RASSF2: variants seen among roughly 807,000 people sequenced by gnomAD.
RASSF2 encodes Ras association domain family member 2.
In RASSF2, 34 loss-of-function variants were observed where a neutral mutation model predicts 46.3. The observed-to-expected ratio is 0.73, with a 90% CI of 0.56 to 0.98. RASSF2 has a LOEUF of 0.98. Ranked by LOEUF, RASSF2 falls within the 50% of genes least tolerant of loss-of-function variation. The pLI, the probability that RASSF2 is intolerant of heterozygous loss-of-function variation, is 0.00. For missense variants in RASSF2, 364 were observed against 431.2 expected (o/e 0.84, Z 1.38); for synonymous variants, 158 against 162.5 (o/e 0.97, Z 0.21).
Position 4,784,299 on chromosome 20 carries a change from T to G in RASSF2, c.955A>C (p.Ile319Leu). The change falls in exon 12 of 12, where the codon ATA becomes CTA. Residue 319 changes from isoleucine to leucine, a missense_variant. By Grantham distance (5) the Ile-to-Leu change is conservative. Transcript: ENST00000379400. Reference sequence around the variant, plus strand: ...CAGATTGTTGCTGGGGTCTCGGCTATCTCCTCCAGCCTCTGTCGAATCATT... The same window carrying G: ...CAGATTGTTGCTGGGGTCTCGGCTAGCTCCTCCAGCCTCTGTCGAATCATT... ...RLMIRQRLEE[I>L]AETPATI 1 of 1,613,890 alleles carries G rather than the reference T, an allele frequency of 6.2e-7. No homozygotes were observed. The highest frequency in any genetic ancestry group is 8.5e-7 in the Non-Finnish European group (1 of 1,179,922).
chr20:4,789,565 C>G (rs1204865220), intron 8 of RASSF2, 31 bp downstream of exon 8: 1 of 1,575,886 alleles, frequency 6.3e-7, no homozygotes, highest in Admixed American at 1.7e-5. Context: ...GCTGTGACCC[C>G]ATCTGTGGCC....
intron 6 of RASSF2, among the ~76,000 whole-genome samples, chr20:4,791,094 C>G (rs145065650): frequency 6.6e-6 from 1 of 152,158 alleles, no homozygotes; most frequent in African/African-American, 2.4e-5. Context: ...AAGCCAATTA[C>G]AAAACAGCAA....
Position 4,793,616 on chromosome 20 carries a change from G to A in RASSF2, c.288-989C>T, listed in dbSNP as rs147033329. Among the ~76,000 whole-genome samples, 851 of 152,160 alleles carry A rather than the reference G, an allele frequency of 5.6e-3. 5 individuals carry two copies. The highest frequency in any genetic ancestry group is 9.6e-3 in the Non-Finnish European group (654 of 68,008). ...AAAGCCTTCATTCTTGCTGAAGCAG[G>A]AACCGGTCTCAGCATCCTTATTTTT... On this transcript the variant is annotated intron_variant, in intron 5 of 11. Transcript: ENST00000379400.
In RASSF2 at chr20:4,795,625, AG is replaced by A. The variant is rs1926272049; in HGVS notation, c.287+189del. 4 of 579,396 alleles carry A rather than the reference AG, an allele frequency of 6.9e-6. No homozygotes were observed. The highest frequency in any genetic ancestry group is 3.6e-5 in the Admixed American group (1 of 27,476). The allele number at this position is 579,396 out of a possible 1,614,324, so 35.9% of individuals were successfully genotyped here. ...CTCATCAGTGATTGCAGTGACAGGA[AG>A]GGGGCTCAATCACAACCACATCTGC... On this transcript the variant is annotated intron_variant, in intron 5 of 11. Transcript: ENST00000379400. This position sits in a 1 kb window ranked among gnomAD's most constrained non-coding sequence, Gnocchi z 4.0.
At chr20:4,791,545 C>T (rs1012855773) in intron 6 of RASSF2, among the ~76,000 whole-genome samples, 49 of 152,200 alleles carry the variant, frequency 3.2e-4, no homozygotes, top group African/African-American at 1.1e-3. Flanking sequence ...ACAATACTGA[C>T]ATTAATCACA....
chr20:4,812,612 A>C lies in RASSF2; in HGVS notation c.-33+9717T>G, dbSNP rs1927913342. Among the ~76,000 whole-genome samples, 1 of 152,166 alleles carries C rather than the reference A, an allele frequency of 6.6e-6. No homozygotes were observed. Among genetic ancestry groups the C allele is most frequent in the South Asian group, 2.1e-4 (1 of 4,830 alleles). On this transcript the variant is annotated intron_variant, in intron 2 of 11. Transcript: ENST00000379400. The surrounding 1 kb of genome is among the most constrained non-coding windows in gnomAD (Gnocchi z 4.0). ...GCAGGTCCCTTTGCCCCAGTTTCTG[A>C]TTCAGTAATTCTGGGGTGGGGTCTG...
intron 2 of RASSF2, among the ~76,000 whole-genome samples, chr20:4,808,733 G>T (rs1927545065): frequency 6.6e-6 from 1 of 152,074 alleles, no homozygotes; most frequent in East Asian, 1.9e-4. Flanking sequence ...CAATCCTCCT[G>T]TTTTGGCTTC....
chr20:4,784,337 G>A lies in RASSF2; in HGVS notation c.917C>T (p.Thr306Ile). 2 of 1,613,706 alleles carry A rather than the reference G, an allele frequency of 1.2e-6. No homozygotes were observed. The highest frequency in any genetic ancestry group is 2.2e-5 in the East Asian group (1 of 44,868). Residue 306 changes from threonine (T) to isoleucine (I), a missense_variant, in exon 12 of 12, where the codon ACC becomes ATC. Thr to Ile is a moderately conservative substitution (Grantham distance 89). Transcript: ENST00000379400. The part of the protein sequence containing the change: ...REVKKLMRKY[T>I]VLRLMIRQRL... ...CTGTCGAATCATTAGCCGGAGCACG[G>A]TGTACCTGGAGACAAGAAACAGGCT...
intron 11 of RASSF2, among the ~76,000 whole-genome samples, chr20:4,784,592 CAAAAAAAAAAAA>C (rs71197728): frequency 0.14 from 12,560 of 90,372 alleles, 693 homozygotes; most frequent in East Asian, 0.27. Flanking sequence ...AACATCTAGC[CAAAAAAAAAAAA>C]AAAAAAAAAA....
At position 4,795,876 on chromosome 20, in the gene RASSF2, G is replaced by A. The variant is rs755440456; in HGVS notation, c.226C>T (p.Arg76Cys). 1.6e-5 allele frequency: 25 copies of A among 1,610,026 alleles called. No homozygotes were observed. Among genetic ancestry groups the A allele is most frequent in the East Asian group, 6.8e-5 (3 of 44,274 alleles). The stretch of plus-strand genomic sequence containing the variant: ...GAGGAGGATGGAGGGGGTCGAATGC[G>A]TTCGTTGTCATCCTGCATCTGCAGG... ...IRLQMQDDNE[R>C]IRPPPSSSSW... The change falls in exon 5 of 12, where the codon CGC (arginine) becomes TGC (cysteine). Residue 76 changes from arginine to cysteine, a missense_variant. Arg to Cys is a radical substitution (Grantham distance 180, BLOSUM62 -3). Transcript: ENST00000379400. This position sits in a 1 kb window ranked among gnomAD's most constrained non-coding sequence, Gnocchi z 4.0.
At chr20:4,820,661 C>T (rs189817042) in intron 2 of RASSF2, among the ~76,000 whole-genome samples, 1 of 152,238 alleles carries the variant, frequency 6.6e-6, no homozygotes, top group African/African-American at 2.4e-5. Flanking sequence ...ATTTCTACCC[C>T]TTGCTTTATA....
chr20:4,819,529 A>G (rs1010592744), intron 2 of RASSF2, among the ~76,000 whole-genome samples: 1 of 152,198 alleles, frequency 6.6e-6, no homozygotes, highest in Non-Finnish European at 1.5e-5. Flanking sequence ...AAGAGAGGCG[A>G]GGAAGCTGGA....
chr20:4,790,629 A>G lies in RASSF2; in HGVS notation c.377-18T>C, dbSNP rs758657305. 6.6e-7 allele frequency: 1 copy of G among 1,512,908 alleles called. No individual in the cohort carries two copies. The highest frequency in any genetic ancestry group is 1.4e-5 in the South Asian group (1 of 73,854). The allele number at this position is 1,512,908 out of a possible 1,614,324, so 93.7% of individuals were successfully genotyped here. On this transcript the variant is annotated intron_variant, in intron 6 of 11. Coordinates refer to ENST00000379400, the MANE Select transcript of RASSF2 (RefSeq NM_014737.3). The surrounding 1 kb of genome is among the most constrained non-coding windows in gnomAD (Gnocchi z 4.3). ...CCTGGAGTCTGAGAGAGGAGAGGGA[A>G]ATGAACTCTGTCTGTCTGGACCTGG...
Position 4,780,401 on chromosome 20 carries a change from G to GGT in RASSF2, c.*3871_*3872insAC, listed in dbSNP as rs1924688096. 6.6e-6 allele frequency: 1 copy of GGT among 152,144 alleles called. No homozygotes were observed. Among genetic ancestry groups the GGT allele is most frequent in the Non-Finnish European group, 1.5e-5 (1 of 68,028 alleles). The allele number at this position is 152,144 out of a possible 1,614,324, so 9.4% of individuals were successfully genotyped here. The stretch of plus-strand genomic sequence containing the variant: ...AGTTAAATACAGTTAAAACACAAGG[G>GGT]GCGCTTCAACACCCCCCTTGTGATA... On this transcript the variant is annotated 3_prime_UTR_variant, in exon 12 of 12. Transcript: ENST00000379400.
chr20:4,816,469 G>A (rs972488651), intron 2 of RASSF2, among the ~76,000 whole-genome samples: 1 of 152,188 alleles, frequency 6.6e-6, no homozygotes, highest in East Asian at 1.9e-4. Flanking sequence ...AAAGGAGTGA[G>A]GGGGTTATTG....
chr20:4,792,704 C>A lies in RASSF2; in HGVS notation c.288-77G>T, dbSNP rs1173163632. ...GAGAGACGCCCCCGCACCCGCTGGA[C>A]CCCACTCCTGAAAGGGGAGCACTTT... On this transcript the variant is annotated intron_variant, in intron 5 of 11. Transcript: ENST00000379400. 7 of 1,528,262 alleles carry A rather than the reference C, an allele frequency of 4.6e-6. No individual in the cohort carries two copies. The Admixed American group carries it at 1.1e-4, about 23-fold the overall frequency. The allele number at this position is 1,528,262 out of a possible 1,614,324, so 94.7% of individuals were successfully genotyped here.
intron 3 of RASSF2, among the ~76,000 whole-genome samples, chr20:4,799,670 C>A (rs376916768): frequency 6.6e-6 from 1 of 152,204 alleles, no homozygotes; most frequent in South Asian, 2.1e-4. Flanking sequence ...GATCTGAAAC[C>A]GGGAGAGAAA....
chr20:4,787,529 G>C (rs1280722782), intron 10 of RASSF2, 104 bp downstream of exon 10: 10 of 1,416,054 alleles, frequency 7.1e-6, no homozygotes, highest in Non-Finnish European at 9.8e-6. Flanking sequence ...GTAAAAGGGG[G>C]CATGGTCGTT....
chr20:4,785,160 A>G (rs1925208630), intron 11 of RASSF2, among the ~76,000 whole-genome samples: 1 of 151,070 alleles, frequency 6.6e-6, no homozygotes, highest in Admixed American at 6.6e-5. Flanking sequence ...AAATACAAAA[A>G]AAAAAAAAAA....
Sources: allele counts gnomAD v4.1 joint callset (sites outside exome capture counted in the v4.1 genomes callset), GRCh38; gene constraint gnomAD v4.1.1; non-coding constraint Gnocchi (gnomAD v3.1); transcripts MANE v1.5; gene names NCBI Gene and HGNC (gene_info 2026-07-23, HGNC 2026-07-21).